Variants in COL4A2 observed in about 807,000 individuals in gnomAD.
COL4A2 encodes collagen type IV alpha 2 chain.
COL4A2 carries 99 observed loss-of-function variants against 200.2 expected under a neutral mutation model. The observed-to-expected ratio is 0.49, with a 90% CI of 0.42 to 0.58. The LOEUF (loss-of-function observed/expected upper bound fraction) is 0.58, where lower values mean the gene tolerates loss of function less well. COL4A2 is among the 20% of genes least tolerant of loss of function. The probability of loss-of-function intolerance (pLI) is 0.00; values close to 1 mark genes in which losing one functional copy is unlikely to be tolerated. For missense variants in COL4A2, 1,950 were observed against 2,314.1 expected (o/e 0.84, Z 3.23); for synonymous variants, 897 against 900.6 (o/e 1.00, Z 0.07).
intron 4 of COL4A2, among the ~76,000 whole-genome samples, chr13:110,364,386 C>A (rs1458073304): frequency 1.3e-5 from 2 of 152,198 alleles, no homozygotes; most frequent in Non-Finnish European, 2.9e-5. Context: ...GGCCCATTAT[C>A]TATCAAATCC....
intron 29 of COL4A2, among the ~76,000 whole-genome samples, chr13:110,475,833 C>G (rs1882685308): frequency 1.3e-5 from 2 of 152,232 alleles, no homozygotes; most frequent in African/African-American, 4.8e-5. Flanking sequence ...TGTGATTTCA[C>G]TGAGGGAGGC....
At chr13:110,503,809 CT>C (rs1399279565) in intron 43 of COL4A2, 37 bp from the exon 44 acceptor site, 1 of 1,613,262 alleles carries the variant, frequency 6.2e-7, no homozygotes. Flanking sequence ...GTGGAACGAC[CT>C]TGTGTGTTTA....
At chr13:110,361,937 C>G (rs1053968810) in intron 4 of COL4A2, among the ~76,000 whole-genome samples, 2 of 152,202 alleles carry the variant, frequency 1.3e-5, no homozygotes, top group African/African-American at 2.4e-5. Context: ...AGGGAAATGG[C>G]CTCTGCAAAT....
intron 16 of COL4A2, among the ~76,000 whole-genome samples, chr13:110,445,430 C>T (rs948953532): frequency 2.0e-5 from 3 of 152,150 alleles, no homozygotes; most frequent in African/African-American, 7.2e-5. Flanking sequence ...GTGGAGGAAA[C>T]GTGGGGTTAG....
In COL4A2 at chr13:110,506,751, A is replaced by G. The variant is rs1883900322; in HGVS notation, c.4594+145A>G. 4 of 902,524 alleles carry G rather than the reference A, an allele frequency of 4.4e-6. No individual in the cohort carries two copies. In the South Asian group the frequency reaches 8.2e-5, roughly 19 times the overall value. 55.9% of individuals were successfully genotyped at this position (902,524 alleles called of 1,614,324 possible). On this transcript the variant is annotated intron_variant, in intron 46 of 47. Coordinates refer to ENST00000360467, the MANE Select transcript of COL4A2 (RefSeq NM_001846.4). ...GGGTCCATCTACATTCCTCGAGTGC[A>G]GAAAGATTAAAACGGCCTTTGAAGC...
chr13:110,456,438 T>A, intron 20 of COL4A2: 1 of 288,490 alleles, frequency 3.5e-6, no homozygotes, highest in South Asian at 3.1e-5. Flanking sequence ...GAACCAGAAG[T>A]GTGTAGCAGT....
Position 110,419,964 on chromosome 13 carries a change from C to G in COL4A2, c.181-4770C>G, listed in dbSNP as rs968360621. Among the ~76,000 whole-genome samples, 9 of 152,340 alleles carry G rather than the reference C, an allele frequency of 5.9e-5. 1 individual carries two copies. Among genetic ancestry groups the G allele is most frequent in the Middle Eastern group, 6.8e-3 (2 of 294 alleles). On this transcript the variant is annotated intron_variant, in intron 4 of 47. Coordinates refer to ENST00000360467, the MANE Select transcript of COL4A2 (RefSeq NM_001846.4). ...GTTTTTCTTATTGAAAGTCACCTAT[C>G]TCTTCCCTCAGGAATGCCAGGATGG...
intron 27 of COL4A2, 120 bp downstream of exon 27, chr13:110,467,216 C>G: frequency 1.1e-5 from 14 of 1,324,320 alleles, no homozygotes; most frequent in Non-Finnish European, 1.4e-5. Flanking sequence ...ATGGTCGTGT[C>G]CAGCATCTCA....
rs1299861031 is a variant in COL4A2 at position 110,509,787 on chromosome 13, A to C, written c.4881+1566A>C. Among the ~76,000 whole-genome samples the C allele has an allele frequency of 3.9e-5, 6 of 152,152 alleles. No individual in the cohort carries two copies. In the East Asian group the frequency reaches 1.2e-3, roughly 29 times the overall value. On this transcript the variant is annotated intron_variant, in intron 47 of 47. Coordinates refer to ENST00000360467, the MANE Select transcript of COL4A2 (RefSeq NM_001846.4). ...GGCTGACAGCCCCAGCAAGCCTGGA[A>C]CTTGACATCCCCAAAAGGCATGGGT... is the stretch of plus-strand genomic sequence containing the variant.
intron 3 of COL4A2, among the ~76,000 whole-genome samples, chr13:110,326,359 TC>T (rs1285062288): frequency 1.3e-5 from 2 of 152,170 alleles, no homozygotes; most frequent in African/African-American, 4.8e-5. Context: ...AAGGTGCAAT[TC>T]CTGCACTTTC....
chr13:110,459,564 G>C (rs1311944516), intron 22 of COL4A2: 1 of 151,008 alleles, frequency 6.6e-6, no homozygotes, highest in Non-Finnish European at 1.5e-5. Flanking sequence ...GGCTGCCACA[G>C]GTGGAGGTGG....
At chr13:110,412,608 A>G (rs1345714961) in intron 4 of COL4A2, among the ~76,000 whole-genome samples, 1 of 152,258 alleles carries the variant, frequency 6.6e-6, no homozygotes, top group African/African-American at 2.4e-5. Flanking sequence ...TCACAGACCT[A>G]CATTGACAAA....
intron 4 of COL4A2, among the ~76,000 whole-genome samples, chr13:110,385,011 T>A (rs1305742638): frequency 6.6e-6 from 1 of 152,180 alleles, no homozygotes; most frequent in Non-Finnish European, 1.5e-5. Context: ...ACGCCTGTAA[T>A]CCTAGCACTT....
intron 4 of COL4A2, among the ~76,000 whole-genome samples, chr13:110,417,586 C>T (rs1422162187): frequency 6.6e-6 from 1 of 152,140 alleles, no homozygotes. Context: ...GGTCCATTAC[C>T]CCAGAAACTT....
At chr13:110,429,512 G>A (rs933906318) in intron 7 of COL4A2, among the ~76,000 whole-genome samples, 9 of 152,112 alleles carry the variant, frequency 5.9e-5, no homozygotes, top group African/African-American at 4.8e-5. Flanking sequence ...CTGCAAATGG[G>A]TGCTTGTGTT....
chr13:110,397,282 G>A (rs2139427611), intron 4 of COL4A2, among the ~76,000 whole-genome samples: 1 of 152,324 alleles, frequency 6.6e-6, no homozygotes, highest in Admixed American at 6.5e-5. Flanking sequence ...AGTCTAACAG[G>A]GAAGTGGTTT....
At position 110,329,423 on chromosome 13, in the gene COL4A2, GGAAGGCGTCTAGTGGT is replaced by G. The variant is rs551720711; in HGVS notation, c.99+21301_99+21316del. On this transcript the variant is annotated intron_variant, in intron 3 of 47. Coordinates refer to ENST00000360467, the MANE Select transcript of COL4A2 (RefSeq NM_001846.4). ...GCCACAGGTGGGCGTGCCCTGCAGG[GGAAGGCGTCTAGTGGT>G]CCCTCCGTACCACAGAGCATTCCCA... is the stretch of plus-strand genomic sequence containing the variant. 2.8e-3 allele frequency among the ~76,000 whole-genome samples: 433 copies of G among 152,262 alleles called. 2 individuals are homozygous for G. Among genetic ancestry groups the G allele is most frequent in the African/African-American group, 9.5e-3 (396 of 41,560 alleles).
chr13:110,461,362 C>T (rs1036095811), intron 22 of COL4A2, among the ~76,000 whole-genome samples: 4 of 152,238 alleles, frequency 2.6e-5, no homozygotes, highest in African/African-American at 7.2e-5. Flanking sequence ...TCCCTGGGGC[C>T]TCTGTGGACA....
chr13:110,506,659 G>T (rs1594117058), intron 46 of COL4A2, 53 bp downstream of exon 46: 1 of 1,510,780 alleles, frequency 6.6e-7, no homozygotes, highest in Non-Finnish European at 8.9e-7. Flanking sequence ...GCCCGGAAGT[G>T]GCCAAGATCA....
Sources: allele counts gnomAD v4.1 joint callset (sites outside exome capture counted in the v4.1 genomes callset), GRCh38; gene constraint gnomAD v4.1.1; transcripts MANE v1.5; gene names NCBI Gene and HGNC (gene_info 2026-07-23, HGNC 2026-07-21).